Variants in TBCK observed in about 807,000 individuals in gnomAD.
TBCK encodes TBC domain-containing protein kinase-like protein.
In TBCK, 99 loss-of-function variants were observed where a neutral mutation model predicts 113.4. The ratio of observed to expected loss-of-function variants is 0.87; its 90% CI spans 0.74 to 1.03. TBCK has a LOEUF of 1.03. Ranked by LOEUF, TBCK falls within the 50% of genes least tolerant of loss-of-function variation. TBCK has a pLI of 0.00. For missense variants in TBCK, 1,045 were observed against 1,061.3 expected, an observed-to-expected ratio of 0.98 and a Z score of 0.21; for synonymous variants, 369 against 370.8, an observed-to-expected ratio of 1.00 and a Z score of 0.05.
At chr4:106,305,993 G>C (rs554856899) in intron 2 of TBCK, among the ~76,000 whole-genome samples, 1 of 152,176 alleles carries the variant, frequency 6.6e-6, no homozygotes, top group Non-Finnish European at 1.5e-5. Flanking sequence ...TCTGGCTATG[G>C]AGTAGCCTTT....
chr4:106,084,465 G>C (rs1739267899), intron 25 of TBCK, among the ~76,000 whole-genome samples: 1 of 152,142 alleles, frequency 6.6e-6, no homozygotes, highest in African/African-American at 2.4e-5. Flanking sequence ...TGATCGACCG[G>C]AGTACCAGAA....
At chr4:106,255,536 C>T (rs1761893791) in intron 5 of TBCK, among the ~76,000 whole-genome samples, 1 of 152,158 alleles carries the variant, frequency 6.6e-6, no homozygotes, top group Admixed American at 6.5e-5. Flanking sequence ...CAAGCAGCTT[C>T]CATGGCTGGC....
At position 106,043,380 on chromosome 4, in the gene TBCK, T is replaced by C. The variant is rs888298947; in HGVS notation, c.*3190A>G. 4 of 152,148 alleles carry C rather than the reference T, an allele frequency of 2.6e-5. No homozygotes were observed. The highest frequency in any genetic ancestry group is 9.7e-5 in the African/African-American group (4 of 41,440). 9.4% of individuals were successfully genotyped at this position (152,148 alleles called of 1,614,324 possible). On this transcript the variant is annotated 3_prime_UTR_variant, in exon 26 of 26. Transcript: ENST00000394708. ...TATACTATCAGGTACCAGATAAGTT[T>C]GGCAGTTGAAAAAAATTACCACAGG...
At chr4:106,266,963 C>T (rs182542580) in intron 3 of TBCK, among the ~76,000 whole-genome samples, 1 of 150,956 alleles carries the variant, frequency 6.6e-6, no homozygotes, top group African/African-American at 2.5e-5. Context: ...AACATGGACA[C>T]TAAAAGAAGA....
chr4:106,109,014 C>CACAT (rs1401422281), intron 24 of TBCK, among the ~76,000 whole-genome samples: 54 of 137,878 alleles, frequency 3.9e-4, no homozygotes, highest in Admixed American at 3.4e-3. Context: ...AACTGACACA[C>CACAT]ACATACACAC....
At chr4:106,179,068 T>C (rs2149768332) in intron 22 of TBCK, among the ~76,000 whole-genome samples, 1 of 152,146 alleles carries the variant, frequency 6.6e-6, no homozygotes, top group Middle Eastern at 3.4e-3. Context: ...AATTCTGTAG[T>C]ATAATTTGTC....
At chr4:106,258,107 A>G (rs886438995) in intron 5 of TBCK, among the ~76,000 whole-genome samples, 6 of 152,094 alleles carry the variant, frequency 3.9e-5, no homozygotes, top group Non-Finnish European at 8.8e-5. Flanking sequence ...TTAAAAAATA[A>G]TAAGCTCTAG....
intron 23 of TBCK, among the ~76,000 whole-genome samples, chr4:106,129,764 C>T (rs948557318): frequency 3.9e-5 from 6 of 152,160 alleles, no homozygotes; most frequent in Non-Finnish European, 8.8e-5. Flanking sequence ...TTCTGGTTAT[C>T]TTCTGTTTGT....
intron 20 of TBCK, among the ~76,000 whole-genome samples, chr4:106,196,678 A>G (rs1310453697): frequency 6.6e-6 from 1 of 152,122 alleles, no homozygotes; most frequent in Non-Finnish European, 1.5e-5. Context: ...AAAAGTACAA[A>G]GGTATATGAC....
At chr4:106,194,163 T>G (rs900076334) in intron 21 of TBCK, among the ~76,000 whole-genome samples, 3 of 152,030 alleles carry the variant, frequency 2.0e-5, no homozygotes, top group Admixed American at 6.6e-5. Context: ...ATGAGCAACT[T>G]CCTATTTTTT....
chr4:106,117,807 A>C (rs1743721460), intron 23 of TBCK, among the ~76,000 whole-genome samples: 1 of 152,160 alleles, frequency 6.6e-6, no homozygotes, highest in Non-Finnish European at 1.5e-5. Flanking sequence ...CAGGAAATGG[A>C]GACCATCCTG....
intron 25 of TBCK, among the ~76,000 whole-genome samples, chr4:106,089,377 G>T (rs1317648206): frequency 2.0e-5 from 3 of 152,026 alleles, no homozygotes; most frequent in African/African-American, 7.2e-5. Context: ...TTGAACATAG[G>T]GATTATGTTA....
intron 3 of TBCK, among the ~76,000 whole-genome samples, chr4:106,276,830 G>A (rs1764075705): frequency 6.6e-6 from 1 of 151,924 alleles, no homozygotes; most frequent in Admixed American, 6.6e-5. Context: ...AGGAGGCGGT[G>A]CAGTTCCAGG....
At chr4:106,216,073 C>T (rs1302773831) in intron 19 of TBCK, among the ~76,000 whole-genome samples, 1 of 152,000 alleles carries the variant, frequency 6.6e-6, no homozygotes, top group Non-Finnish European at 1.5e-5. Flanking sequence ...CACTCAAAAC[C>T]ACTCAACTAC....
intron 1 of TBCK, among the ~76,000 whole-genome samples, chr4:106,312,105 T>A (rs1768261049): frequency 6.6e-6 from 1 of 152,010 alleles, no homozygotes; most frequent in African/African-American, 2.4e-5. Context: ...CATCTGCATA[T>A]CCAAAGGCAC....
chr4:106,057,526 C>T (rs534188032), intron 25 of TBCK, among the ~76,000 whole-genome samples: 26 of 151,774 alleles, frequency 1.7e-4, no homozygotes, highest in South Asian at 1.7e-3. Flanking sequence ...TCAGATTCTC[C>T]GTACCTTTCC....
chr4:106,165,150 TTAAG>T (rs930806120), intron 23 of TBCK, among the ~76,000 whole-genome samples: 10 of 151,678 alleles, frequency 6.6e-5, no homozygotes, highest in African/African-American at 1.2e-4. Context: ...AAATCAAAGA[TTAAG>T]TAGAGATTTT....
chr4:106,095,504 TG>T lies in TBCK; in HGVS notation c.2548del (p.His850MetfsTer14). The part of the protein sequence containing the change: ...FKGKVIVIVG[H>X]VAKHTAEFAA... ...TACCTCAGCTGTGTGTTTTGCCACA[TG>T]CCCCACGATGACAATGACCTTCCCT... On this transcript the variant is annotated frameshift_variant, in exon 25 of 26. Coordinates refer to ENST00000394708, the MANE Select transcript of TBCK (RefSeq NM_001163435.3). LOFTEE classifies it high-confidence loss of function. The T allele has an allele frequency of 6.2e-7, 1 of 1,613,970 alleles. No homozygotes were observed. The highest frequency in any genetic ancestry group is 8.5e-7 in the Non-Finnish European group (1 of 1,179,922).
chr4:106,287,213 GTGGGA>G (rs780042707), intron 3 of TBCK, among the ~76,000 whole-genome samples: 3 of 152,106 alleles, frequency 2.0e-5, no homozygotes, highest in African/African-American at 7.2e-5. Flanking sequence ...TATTTCACCT[GTGGGA>G]CTTCTGGATA....
Sources: allele counts gnomAD v4.1 joint callset (sites outside exome capture counted in the v4.1 genomes callset), GRCh38; gene constraint gnomAD v4.1.1; transcripts MANE v1.5; gene names NCBI Gene and HGNC (gene_info 2026-07-23, HGNC 2026-07-21).